HIVEP3: variants seen among roughly 807,000 people sequenced by gnomAD.
The protein encoded by HIVEP3 is HIVEP zinc finger 3.
In HIVEP3, 49 loss-of-function variants were observed where a neutral mutation model predicts 152.8. That is an observed-to-expected ratio of 0.32 (90% CI 0.26 to 0.41). HIVEP3 has a LOEUF of 0.41. Ranked by LOEUF, HIVEP3 falls within the 10% of genes least tolerant of loss-of-function variation. The probability of loss-of-function intolerance (pLI) is 1.00; values close to 1 mark genes in which losing one functional copy is unlikely to be tolerated. For missense variants in HIVEP3, 2,790 were observed against 3,103.3 expected, an observed-to-expected ratio of 0.90 and a Z score of 2.40; for synonymous variants, 1,269 against 1,289.0, an observed-to-expected ratio of 0.98 and a Z score of 0.33.
intron 5 of HIVEP3, chr1:41,541,921 T>C (rs1643539530): frequency 6.6e-6 from 1 of 152,254 alleles, no homozygotes; most frequent in South Asian, 2.1e-4. Context: ...TCTGTTTCAA[T>C]TAGAAAATTA....
At chr1:41,522,782 T>G (rs1356696239) in intron 6 of HIVEP3, among the ~76,000 whole-genome samples, 2 of 152,204 alleles carry the variant, frequency 1.3e-5, no homozygotes, top group Non-Finnish European at 2.9e-5. Flanking sequence ...CTGCTTGGGC[T>G]GGAAACTTCC....
intron 1 of HIVEP3, among the ~76,000 whole-genome samples, chr1:41,706,237 C>T (rs1558195871): frequency 6.6e-6 from 1 of 152,128 alleles, no homozygotes; most frequent in Non-Finnish European, 1.5e-5. Context: ...TTAGGATTCC[C>T]AGTGTTTATT....
intron 6 of HIVEP3, 30 bp from the exon 7 acceptor site, chr1:41,518,518 G>C (rs896861206): frequency 1.3e-6 from 2 of 1,595,894 alleles, no homozygotes; most frequent in Admixed American, 1.7e-5. Flanking sequence ...CTTAGGCTCT[G>C]CTATGGGGCA....
chr1:41,630,328 A>C (rs115032429), intron 2 of HIVEP3, among the ~76,000 whole-genome samples: 117 of 152,324 alleles, frequency 7.7e-4, no homozygotes, highest in African/African-American at 2.3e-3. Context: ...AGTGCGTACT[A>C]TGCTCACTAC....
intron 1 of HIVEP3, among the ~76,000 whole-genome samples, chr1:41,820,435 A>G (rs1036558707): frequency 1.3e-5 from 2 of 152,164 alleles, no homozygotes; most frequent in African/African-American, 2.4e-5. Context: ...ATATTAATAC[A>G]TGTTGTCCCC....
chr1:41,806,601 G>A (rs559529397), intron 1 of HIVEP3, among the ~76,000 whole-genome samples: 7 of 152,360 alleles, frequency 4.6e-5, no homozygotes, highest in Middle Eastern at 3.4e-3. Context: ...ATCTCCACCC[G>A]GCACATGGCG....
intron 1 of HIVEP3, among the ~76,000 whole-genome samples, chr1:41,814,825 A>C (rs1323000963): frequency 6.6e-6 from 1 of 152,234 alleles, no homozygotes; most frequent in Non-Finnish European, 1.5e-5. Flanking sequence ...TTATGAAAGC[A>C]TTCCTTTCAG....
chr1:41,742,598 T>C (rs146605683), intron 1 of HIVEP3, among the ~76,000 whole-genome samples: 6 of 152,340 alleles, frequency 3.9e-5, no homozygotes, highest in African/African-American at 1.4e-4. Context: ...TTCACTAAGG[T>C]ACATATCCCT....
chr1:41,926,633 A>G (rs1335873468), intron 1 of HIVEP3, among the ~76,000 whole-genome samples: 1 of 152,154 alleles, frequency 6.6e-6, no homozygotes, highest in Non-Finnish European at 1.5e-5. Flanking sequence ...AGAGCTTACT[A>G]TGTTCCAGTC....
At chr1:41,977,864 T>C (rs1184877723) in intron 1 of HIVEP3, among the ~76,000 whole-genome samples, 1 of 152,234 alleles carries the variant, frequency 6.6e-6, no homozygotes. Flanking sequence ...CTCACGTGGA[T>C]GCTTCAGCTC....
At chr1:41,611,346 C>T (rs1417101340) in intron 3 of HIVEP3, among the ~76,000 whole-genome samples, 1 of 152,098 alleles carries the variant, frequency 6.6e-6, no homozygotes, top group Non-Finnish European at 1.5e-5. Flanking sequence ...AATTCCATCT[C>T]GTAACAAAGA....
At chr1:41,809,158 G>A (rs1055190804) in intron 1 of HIVEP3, among the ~76,000 whole-genome samples, 2 of 152,212 alleles carry the variant, frequency 1.3e-5, no homozygotes, top group Non-Finnish European at 2.9e-5. Flanking sequence ...TGTGCAAGGA[G>A]TGCTGAGACC....
At chr1:41,816,912 T>C (rs1651306625) in intron 1 of HIVEP3, among the ~76,000 whole-genome samples, 1 of 152,156 alleles carries the variant, frequency 6.6e-6, no homozygotes, top group Non-Finnish European at 1.5e-5. Flanking sequence ...AGCTCAAGTG[T>C]CAGCTCCCAT....
chr1:41,876,795 T>G (rs1286089240), intron 1 of HIVEP3, among the ~76,000 whole-genome samples: 1 of 152,232 alleles, frequency 6.6e-6, no homozygotes, highest in East Asian at 1.9e-4. Context: ...ATGTATCCAT[T>G]TAGGATAGAA....
chr1:41,652,753 T>G (rs111593435), intron 2 of HIVEP3, among the ~76,000 whole-genome samples: 1 of 152,332 alleles, frequency 6.6e-6, no homozygotes, highest in African/African-American at 2.4e-5. Context: ...CCTGTGTATA[T>G]GCAGGTGCTG....
chr1:41,850,086 T>G (rs557540294), intron 1 of HIVEP3, among the ~76,000 whole-genome samples: 1 of 152,332 alleles, frequency 6.6e-6, no homozygotes, highest in East Asian at 1.9e-4. Context: ...ACACAGAGTT[T>G]TGGTTACACT....
In HIVEP3 at chr1:42,005,201, C is replaced by G. The variant is rs529484940; in HGVS notation, n.119+30606G>C. ...TGCTCACTGTTCCCAAAGTATTTTG[C>G]CCTTCTAAAGATCTATATAATTCAC... On this transcript the variant is annotated intron_variant and non_coding_transcript_variant, in intron 1 of 3. Coordinates refer to the HIVEP3 transcript ENST00000489103. Among the ~76,000 whole-genome samples, 3 of 152,244 alleles carry G rather than the reference C, an allele frequency of 2.0e-5. No homozygotes were observed. In the East Asian group the frequency reaches 5.8e-4, roughly 29 times the overall value.
chr1:41,749,064 T>C (rs1647115944), intron 1 of HIVEP3, among the ~76,000 whole-genome samples: 1 of 152,334 alleles, frequency 6.6e-6, no homozygotes, highest in South Asian at 2.1e-4. Context: ...TTGTCCACCC[T>C]GTTAGAGACA....
At chr1:41,653,953 CAAAAAAAAAAA>C (rs55707109) in intron 2 of HIVEP3, among the ~76,000 whole-genome samples, 1 of 46,194 alleles carries the variant, frequency 2.2e-5, no homozygotes, top group Non-Finnish European at 3.7e-5. Flanking sequence ...TTTTCTACTG[CAAAAAAAAAAA>C]AAAAAAAAAA....
Sources: gnomAD v4.1 joint callset for allele counts (sites outside exome capture counted in the v4.1 genomes callset) on GRCh38, gnomAD v4.1.1 for gene constraint, MANE v1.5 for transcripts, NCBI Gene and HGNC (gene_info 2026-07-23, HGNC 2026-07-21) for gene names.